Variants in SEMA3E observed in about 807,000 individuals in gnomAD.
SEMA3E encodes semaphorin 3E.
Under a neutral mutation model 93.6 loss-of-function variants are expected in SEMA3E, and 49 were observed. The observed-to-expected ratio is 0.52, with a 90% CI of 0.42 to 0.66. SEMA3E has a LOEUF of 0.66. SEMA3E is among the 30% of genes least tolerant of loss of function. The pLI is 0.00. For missense variants in SEMA3E, 906 were observed against 964.8 expected (o/e 0.94, Z 0.81); for synonymous variants, 363 against 330.7 (o/e 1.10, Z -1.06).
intron 12 of SEMA3E, 104 bp downstream of exon 12, chr7:83,396,534 A>G: frequency 1.4e-6 from 1 of 699,970 alleles, no homozygotes; most frequent in African/African-American, 1.8e-5. Context: ...TGAATCCACA[A>G]CATACCTGTT....
At chr7:83,471,522 C>A (rs1438418850) in intron 2 of SEMA3E, among the ~76,000 whole-genome samples, 1 of 151,858 alleles carries the variant, frequency 6.6e-6, no homozygotes, top group African/African-American at 2.4e-5. Flanking sequence ...CTCTAGGTAA[C>A]TTTATGGAGG....
chr7:83,598,975 C>T (rs1435270370), intron 1 of SEMA3E, among the ~76,000 whole-genome samples: 4 of 152,114 alleles, frequency 2.6e-5, no homozygotes, highest in African/African-American at 9.7e-5. Flanking sequence ...TTTATAAACA[C>T]AGTCACTGGG....
At chr7:83,425,458 A>G (rs1485418933) in intron 4 of SEMA3E, among the ~76,000 whole-genome samples, 2 of 152,240 alleles carry the variant, frequency 1.3e-5, no homozygotes, top group East Asian at 1.9e-4. Context: ...CCTCCTGAAC[A>G]GTCTCTGAGT....
chr7:83,422,093 C>T (rs1788678483), intron 4 of SEMA3E, among the ~76,000 whole-genome samples: 1 of 152,194 alleles, frequency 6.6e-6, no homozygotes. Flanking sequence ...AGGAGAATCG[C>T]TTGAACCTGG....
At chr7:83,412,374 A>G (rs1340169516) in intron 5 of SEMA3E, among the ~76,000 whole-genome samples, 2 of 152,154 alleles carry the variant, frequency 1.3e-5, no homozygotes, top group Admixed American at 1.3e-4. Context: ...GAATCAAAGA[A>G]TGGCTTAATG....
chr7:83,600,486 ATTTTTTTTTTTTTTTTTTT>A (rs71522671), intron 1 of SEMA3E, among the ~76,000 whole-genome samples: 9 of 63,050 alleles, frequency 1.4e-4, no homozygotes, highest in African/African-American at 2.4e-4. Context: ...CGCCCAGCTA[ATTTTTTTTTTTTTTTTTTT>A]TTTTTTTTTT....
At chr7:83,477,369 G>A (rs1790036489) in intron 2 of SEMA3E, among the ~76,000 whole-genome samples, 1 of 151,846 alleles carries the variant, frequency 6.6e-6, no homozygotes, top group Non-Finnish European at 1.5e-5. Context: ...GTCCATCAAT[G>A]TACATCTTAA....
chr7:83,377,542 T>A (rs527689412), intron 16 of SEMA3E, among the ~76,000 whole-genome samples: 17 of 152,136 alleles, frequency 1.1e-4, no homozygotes, highest in African/African-American at 3.8e-4. Flanking sequence ...AGGGCCAGAT[T>A]TGGCCCCCAA....
chr7:83,603,939 G>T (rs1412576785), intron 1 of SEMA3E, among the ~76,000 whole-genome samples: 1 of 152,098 alleles, frequency 6.6e-6, no homozygotes, highest in Non-Finnish European at 1.5e-5. Context: ...AAAATTAGGT[G>T]CTAAGAAACT....
At chr7:83,469,677 G>A (rs1023221246) in intron 2 of SEMA3E, among the ~76,000 whole-genome samples, 2 of 152,106 alleles carry the variant, frequency 1.3e-5, no homozygotes, top group Non-Finnish European at 2.9e-5. Context: ...CTGCTGTGTG[G>A]TGGGCTCTCC....
chr7:83,504,035 A>G (rs1015252637), intron 1 of SEMA3E, among the ~76,000 whole-genome samples: 6 of 152,152 alleles, frequency 3.9e-5, no homozygotes, highest in African/African-American at 1.4e-4. Context: ...CACAAATTTA[A>G]TCCTATAAAA....
chr7:83,487,568 AAAAG>A (rs971808992), intron 2 of SEMA3E, among the ~76,000 whole-genome samples: 7 of 151,498 alleles, frequency 4.6e-5, no homozygotes, highest in African/African-American at 9.8e-5. Context: ...AGAGAGAAGA[AAAAG>A]AGAGAGAAGA....
intron 1 of SEMA3E, among the ~76,000 whole-genome samples, chr7:83,546,195 A>T (rs1791647466): frequency 6.7e-6 from 1 of 150,024 alleles, no homozygotes; most frequent in Admixed American, 6.8e-5. Context: ...ATAATGTTCC[A>T]CTAAAACACC....
intron 1 of SEMA3E, among the ~76,000 whole-genome samples, chr7:83,514,525 T>G (rs1020531676): frequency 6.6e-6 from 1 of 151,256 alleles, no homozygotes; most frequent in Non-Finnish European, 1.5e-5. Flanking sequence ...AGATCTTGTG[T>G]TGTTGTTGTT....
At chr7:83,559,537 T>C (rs1791984465) in intron 1 of SEMA3E, among the ~76,000 whole-genome samples, 1 of 151,848 alleles carries the variant, frequency 6.6e-6, no homozygotes, top group African/African-American at 2.4e-5. Context: ...ACACACCTCT[T>C]AGAATGGCCA....
intron 14 of SEMA3E, among the ~76,000 whole-genome samples, chr7:83,391,780 T>A: frequency 6.6e-6 from 1 of 152,270 alleles, no homozygotes; most frequent in East Asian, 1.9e-4. Context: ...CAAAGTTAAA[T>A]AATAAAAATA....
chr7:83,594,961 A>T (rs201661345), intron 1 of SEMA3E, among the ~76,000 whole-genome samples: 1 of 151,710 alleles, frequency 6.6e-6, no homozygotes, highest in African/African-American at 2.4e-5. Flanking sequence ...TGGGAAAAAA[A>T]AAAAAAAGCT....
At chr7:83,570,205 G>T (rs190406615) in intron 1 of SEMA3E, among the ~76,000 whole-genome samples, 1 of 152,116 alleles carries the variant, frequency 6.6e-6, no homozygotes, top group Non-Finnish European at 1.5e-5. Context: ...CAATATATTT[G>T]GGATGCAGCT....
At position 83,648,696 on chromosome 7, in the gene SEMA3E, G is replaced by A. The variant is rs1584386350; in HGVS notation, c.-154C>T. ...CACAGTTCCGAAGTGCCATTTGTCAGGCTGTATTTGGCTATGTAAAACCTT... is the reference window on the plus strand; with the variant it reads ...CACAGTTCCGAAGTGCCATTTGTCAAGCTGTATTTGGCTATGTAAAACCTT... On this transcript the variant is annotated 5_prime_UTR_variant, in exon 1 of 17. Coordinates refer to ENST00000643230, the MANE Select transcript of SEMA3E (RefSeq NM_012431.3). The A allele has an allele frequency of 2.9e-6, 2 of 697,854 alleles. No homozygotes were observed. Among genetic ancestry groups the A allele is most frequent in the East Asian group, 5.4e-5 (2 of 36,878 alleles). The allele number at this position is 697,854 out of a possible 1,614,324, so 43.2% of individuals were successfully genotyped here.
Sources: allele counts gnomAD v4.1 joint callset (sites outside exome capture counted in the v4.1 genomes callset), GRCh38; gene constraint gnomAD v4.1.1; transcripts MANE v1.5; gene names NCBI Gene and HGNC (gene_info 2026-07-23, HGNC 2026-07-21).